The following AGBL4 variants were observed in gnomAD, a reference collection of about 807,000 sequenced individuals.
The protein encoded by AGBL4 is AGBL carboxypeptidase 4, also known as cytosolic carboxypeptidase 6.
Under a neutral mutation model 66.4 loss-of-function variants are expected in AGBL4, and 58 were observed. That is an observed-to-expected ratio of 0.87 (90% CI 0.71 to 1.09). AGBL4 has a LOEUF of 1.09. Ranked by LOEUF, AGBL4 falls within the 50% of genes least tolerant of loss-of-function variation. AGBL4 has a pLI of 0.00. For synonymous variants in AGBL4, 234 were observed against 222.9 expected (o/e 1.05, Z -0.44); for missense variants, 579 against 631.0 (o/e 0.92, Z 0.88).
At chr1:49,783,102 C>T (rs1007053098) in intron 2 of AGBL4, among the ~76,000 whole-genome samples, 1 of 152,056 alleles carries the variant, frequency 6.6e-6, no homozygotes, top group Non-Finnish European at 1.5e-5. Flanking sequence ...TCTTGTACTC[C>T]TCAACCTTCA....
At chr1:48,822,306 T>C (rs1015406335) in intron 6 of AGBL4, among the ~76,000 whole-genome samples, 2 of 152,132 alleles carry the variant, frequency 1.3e-5, no homozygotes, top group Non-Finnish European at 2.9e-5. Flanking sequence ...GATAAACAAA[T>C]TATGGTATAT....
intron 2 of AGBL4, among the ~76,000 whole-genome samples, chr1:49,849,478 TAC>T (rs772101356): frequency 0.054 from 7,294 of 135,348 alleles, 201 homozygotes; most frequent in African/African-American, 0.083. Context: ...AAAGTATACA[TAC>T]ACACACACAC....
intron 2 of AGBL4, among the ~76,000 whole-genome samples, chr1:49,806,501 A>G (rs1407996440): frequency 1.3e-5 from 2 of 152,192 alleles, no homozygotes; most frequent in Non-Finnish European, 2.9e-5. Flanking sequence ...AAAATAATTT[A>G]AAGATGGAAT....
At chr1:49,155,593 A>G (rs1392470975) in intron 4 of AGBL4, among the ~76,000 whole-genome samples, 1 of 152,164 alleles carries the variant, frequency 6.6e-6, no homozygotes, top group Non-Finnish European at 1.5e-5. Context: ...TATCCTATAG[A>G]CACTATAGTC....
intron 1 of AGBL4, among the ~76,000 whole-genome samples, chr1:49,965,892 A>AAAT (rs1044690815): frequency 2.6e-5 from 4 of 152,114 alleles, no homozygotes; most frequent in African/African-American, 9.7e-5. Context: ...GAAAGCAAAA[A>AAAT]AATAATAATA....
At chr1:48,642,926 G>T (rs572149239) in intron 8 of AGBL4, among the ~76,000 whole-genome samples, 1 of 152,276 alleles carries the variant, frequency 6.6e-6, no homozygotes, top group South Asian at 2.1e-4. Flanking sequence ...GAGCCACACG[G>T]CCTGGATAAA....
chr1:49,577,354 C>A (rs1644457302), intron 3 of AGBL4, among the ~76,000 whole-genome samples: 1 of 152,198 alleles, frequency 6.6e-6, no homozygotes, highest in Admixed American at 6.5e-5. Context: ...ATGGGCTCAG[C>A]AACATGGACT....
intron 4 of AGBL4, among the ~76,000 whole-genome samples, chr1:49,201,887 G>A (rs922634573): frequency 6.6e-6 from 1 of 151,982 alleles, no homozygotes; most frequent in African/African-American, 2.4e-5. Context: ...GCCAGAAAGA[G>A]AGCACATGTA....
intron 5 of AGBL4, among the ~76,000 whole-genome samples, chr1:49,039,695 A>G (rs1247994969): frequency 1.3e-5 from 2 of 152,086 alleles, no homozygotes; most frequent in Admixed American, 6.6e-5. Context: ...CTAACTCACA[A>G]TGAACTATAC....
chr1:49,522,595 T>G (rs1650353415), intron 3 of AGBL4, among the ~76,000 whole-genome samples: 1 of 152,166 alleles, frequency 6.6e-6, no homozygotes, highest in Admixed American at 6.5e-5. Context: ...AATAAATATT[T>G]GTTGAATGAA....
chr1:48,983,175 A>G (rs528346236), intron 5 of AGBL4, among the ~76,000 whole-genome samples: 1 of 152,308 alleles, frequency 6.6e-6, no homozygotes, highest in South Asian at 2.1e-4. Context: ...TCATATTCAT[A>G]TGAAAGCCAA....
intron 1 of AGBL4, among the ~76,000 whole-genome samples, chr1:49,933,454 A>G (rs1352860464): frequency 3.3e-5 from 5 of 152,174 alleles, no homozygotes; most frequent in African/African-American, 9.6e-5. Flanking sequence ...ACAAAAGCAT[A>G]TGAAAGTAAA....
chr1:49,389,408 T>C (rs1171354804), intron 3 of AGBL4, among the ~76,000 whole-genome samples: 5 of 152,146 alleles, frequency 3.3e-5, no homozygotes, highest in Admixed American at 2.6e-4. Context: ...AAACCTACCA[T>C]AGTCCTGAAA....
intron 6 of AGBL4, among the ~76,000 whole-genome samples, chr1:48,725,594 C>T (rs933018338): frequency 1.9e-4 from 29 of 152,272 alleles, no homozygotes; most frequent in African/African-American, 6.7e-4. Context: ...CAGCCTAGAC[C>T]ACAATTTTCC....
At chr1:48,962,505 T>G (rs1463486916) in intron 5 of AGBL4, among the ~76,000 whole-genome samples, 1 of 152,206 alleles carries the variant, frequency 6.6e-6, no homozygotes, top group African/African-American at 2.4e-5. Flanking sequence ...TGTTGGTCAT[T>G]GTGTTTCTGT....
chr1:49,965,221 T>A (rs1161782406), intron 1 of AGBL4, among the ~76,000 whole-genome samples: 2 of 152,184 alleles, frequency 1.3e-5, no homozygotes, highest in Non-Finnish European at 1.5e-5. Context: ...TACATATGCA[T>A]ACGTACATGA....
intron 3 of AGBL4, among the ~76,000 whole-genome samples, chr1:49,372,931 G>A (rs1644396613): frequency 6.6e-6 from 1 of 151,812 alleles, no homozygotes; most frequent in South Asian, 2.1e-4. Flanking sequence ...GCTAATTCCT[G>A]TATTTTTAGT....
chr1:49,493,831 G>C (rs1647289364), intron 3 of AGBL4, among the ~76,000 whole-genome samples: 1 of 151,884 alleles, frequency 6.6e-6, no homozygotes, highest in African/African-American at 2.4e-5. Context: ...TCTCTAGTAA[G>C]TAAATAGAGT....
intron 6 of AGBL4, among the ~76,000 whole-genome samples, chr1:48,854,427 C>T (rs750155722): frequency 3.9e-5 from 6 of 152,186 alleles, no homozygotes; most frequent in Non-Finnish European, 8.8e-5. Flanking sequence ...GATGATAAGT[C>T]CCTTCACTGC....
Sources: gnomAD v4.1 joint callset for allele counts (sites outside exome capture counted in the v4.1 genomes callset) on GRCh38, gnomAD v4.1.1 for gene constraint, MANE v1.5 for transcripts, NCBI Gene and HGNC (gene_info 2026-07-23, HGNC 2026-07-21) for gene names.